Variants in KCNIP4 observed in about 807,000 individuals in gnomAD.
KCNIP4 encodes the protein Kv channel-interacting protein 4.
Under a neutral mutation model 34.0 loss-of-function variants are expected in KCNIP4, and 12 were observed. The observed-to-expected ratio is 0.35, with a 90% CI of 0.23 to 0.57. The LOEUF is 0.57. KCNIP4 is among the 20% of genes least tolerant of loss of function. The pLI is 0.83. For missense variants in KCNIP4, 238 were observed against 311.7 expected, an observed-to-expected ratio of 0.76 and a Z score of 1.78; for synonymous variants, 124 against 102.2, an observed-to-expected ratio of 1.21 and a Z score of -1.29.
intron 1 of KCNIP4, among the ~76,000 whole-genome samples, chr4:21,785,765 A>G (rs1719869465): frequency 1.3e-5 from 2 of 152,178 alleles, no homozygotes; most frequent in South Asian, 4.1e-4. Context: ...TTCACTTAGC[A>G]CACATTTCAT....
intron 1 of KCNIP4, among the ~76,000 whole-genome samples, chr4:21,229,121 T>C (rs1222597107): frequency 1.3e-5 from 2 of 152,194 alleles, no homozygotes; most frequent in Non-Finnish European, 2.9e-5. Flanking sequence ...ACTATAATCA[T>C]GCTTTTTGCC....
At chr4:21,722,758 T>TA (rs1714910548) in intron 1 of KCNIP4, among the ~76,000 whole-genome samples, 1 of 152,176 alleles carries the variant, frequency 6.6e-6, no homozygotes, top group Non-Finnish European at 1.5e-5. Context: ...GAGTCCTTGC[T>TA]AAAATGTATT....
At chr4:21,052,612 G>GGAAT (rs1057413172) in intron 1 of KCNIP4, among the ~76,000 whole-genome samples, 2 of 152,134 alleles carry the variant, frequency 1.3e-5, no homozygotes, top group African/African-American at 4.8e-5. Flanking sequence ...AAGTCACCAT[G>GGAAT]GAATCTCTTC....
chr4:21,319,718 A>G (rs1714173784), intron 1 of KCNIP4, among the ~76,000 whole-genome samples: 1 of 152,288 alleles, frequency 6.6e-6, no homozygotes, highest in South Asian at 2.1e-4. Flanking sequence ...CAAGACACAC[A>G]CACAGATCCA....
chr4:20,770,449 A>T (rs1755767502), intron 3 of KCNIP4, among the ~76,000 whole-genome samples: 1 of 150,296 alleles, frequency 6.7e-6, no homozygotes, highest in Admixed American at 6.8e-5. Flanking sequence ...TCAAGTTGGC[A>T]TGATATCAGC....
intron 3 of KCNIP4, among the ~76,000 whole-genome samples, chr4:20,802,661 C>T (rs1427320131): frequency 6.6e-6 from 1 of 151,952 alleles, no homozygotes; most frequent in Non-Finnish European, 1.5e-5. Flanking sequence ...TTGTTTCAGA[C>T]CACAGTAGAA....
chr4:21,485,944 T>C (rs1038697837), intron 1 of KCNIP4, among the ~76,000 whole-genome samples: 1 of 150,234 alleles, frequency 6.7e-6, no homozygotes, highest in African/African-American at 2.4e-5. Flanking sequence ...TGTGAAAAAG[T>C]TCACTGCTGC....
chr4:21,031,222 G>A (rs577692611), intron 1 of KCNIP4, among the ~76,000 whole-genome samples: 21 of 152,162 alleles, frequency 1.4e-4, no homozygotes, highest in Admixed American at 3.3e-4. Context: ...TTGCACCTAC[G>A]TGCTTGTCAT....
At chr4:21,247,685 A>G (rs1234899199) in intron 1 of KCNIP4, among the ~76,000 whole-genome samples, 2 of 139,440 alleles carry the variant, frequency 1.4e-5, no homozygotes, top group African/African-American at 5.4e-5. Context: ...ATATAGATAT[A>G]TTTATATCTA....
intron 1 of KCNIP4, among the ~76,000 whole-genome samples, chr4:21,617,630 C>T (rs1008756386): frequency 1.3e-5 from 2 of 152,136 alleles, no homozygotes; most frequent in South Asian, 4.1e-4. Flanking sequence ...TCTCCTATTC[C>T]TCCTTAATCC....
intron 1 of KCNIP4, among the ~76,000 whole-genome samples, chr4:21,946,307 T>G (rs1002309022): frequency 2.6e-5 from 4 of 152,140 alleles, no homozygotes; most frequent in Admixed American, 6.5e-5. Flanking sequence ...CAGTTAAATT[T>G]TGCTTAGATT....
chr4:21,694,571 C>T, intron 1 of KCNIP4, among the ~76,000 whole-genome samples: 1 of 151,936 alleles, frequency 6.6e-6, no homozygotes, highest in Non-Finnish European at 1.5e-5. Flanking sequence ...TTTAGCTGGA[C>T]AAATCTTTAC....
intron 1 of KCNIP4, among the ~76,000 whole-genome samples, chr4:21,675,109 T>C (rs968408468): frequency 6.6e-6 from 1 of 152,130 alleles, no homozygotes; most frequent in Non-Finnish European, 1.5e-5. Flanking sequence ...GAGTACTATC[T>C]AGCCATTGAA....
At chr4:20,925,878 G>A (rs1157901628) in intron 1 of KCNIP4, among the ~76,000 whole-genome samples, 2 of 152,148 alleles carry the variant, frequency 1.3e-5, no homozygotes, top group Non-Finnish European at 2.9e-5. Context: ...CTTTCCGAGT[G>A]GAGTCACATA....
intron 1 of KCNIP4, among the ~76,000 whole-genome samples, chr4:21,005,006 A>G (rs182378796): frequency 2.6e-5 from 4 of 152,254 alleles, no homozygotes; most frequent in Admixed American, 2.0e-4. Context: ...TGGAGGGACC[A>G]ATAAGGTGTT....
chr4:21,399,533 G>T (rs1723291392), intron 1 of KCNIP4, among the ~76,000 whole-genome samples: 1 of 152,200 alleles, frequency 6.6e-6, no homozygotes, highest in Admixed American at 6.5e-5. Flanking sequence ...GAAATTGTGG[G>T]TTTATTTTTT....
chr4:20,890,026 T>C (rs1370112721), intron 1 of KCNIP4, among the ~76,000 whole-genome samples: 1 of 152,136 alleles, frequency 6.6e-6, no homozygotes, highest in Admixed American at 6.5e-5. Context: ...ATCCCTGCTG[T>C]CTAGAATCTA....
chr4:21,663,362 GC>G (rs1748593716), intron 1 of KCNIP4, among the ~76,000 whole-genome samples: 1 of 152,094 alleles, frequency 6.6e-6, no homozygotes, highest in Admixed American at 6.5e-5. Flanking sequence ...ACTGTGAAAA[GC>G]TGATGCCTGT....
chr4:21,763,047 C>T, intron 1 of KCNIP4: 1 of 1,288,868 alleles, frequency 7.8e-7, no homozygotes, highest in Non-Finnish European at 1.0e-6. Context: ...ATTGAATGGA[C>T]ATATGCACAG....
Sources: gnomAD v4.1 joint callset for allele counts (sites outside exome capture counted in the v4.1 genomes callset) on GRCh38, gnomAD v4.1.1 for gene constraint, MANE v1.5 for transcripts, NCBI Gene and HGNC (gene_info 2026-07-23, HGNC 2026-07-21) for gene names.